The following PATJ variants were observed in gnomAD, a reference collection of about 807,000 sequenced individuals.
PATJ encodes PATJ crumbs cell polarity complex component.
In PATJ, 190 loss-of-function variants were observed where a neutral mutation model predicts 224.9. The ratio of observed to expected loss-of-function variants is 0.84; its 90% CI spans 0.75 to 0.95. PATJ has a LOEUF of 0.95. PATJ is among the 40% of genes least tolerant of loss of function. The probability of loss-of-function intolerance (pLI) is 0.00; values close to 1 mark genes in which losing one functional copy is unlikely to be tolerated. For missense variants in PATJ, 2,121 were observed against 2,270.3 expected (o/e 0.93, Z 1.34); for synonymous variants, 769 against 820.3 (o/e 0.94, Z 1.07).
intron 27 of PATJ, among the ~76,000 whole-genome samples, chr1:61,974,351 T>C (rs1048344509): frequency 2.0e-5 from 3 of 151,204 alleles, no homozygotes; most frequent in Non-Finnish European, 2.9e-5. Context: ...GTCAACTAGG[T>C]CTTCTCCATT....
intron 31 of PATJ, among the ~76,000 whole-genome samples, chr1:62,053,920 C>G (rs1026317616): frequency 3.3e-5 from 5 of 152,150 alleles, no homozygotes; most frequent in African/African-American, 7.2e-5. Flanking sequence ...CACTATGTTC[C>G]AGGTACTGAA....
At position 62,160,098 on chromosome 1, in the gene PATJ, C is replaced by G. The variant is rs553210892; in HGVS notation, c.5503-810C>G. Among the ~76,000 whole-genome samples, 4 of 152,146 alleles carry G rather than the reference C, an allele frequency of 2.6e-5. No individual in the cohort carries two copies. In the South Asian group the frequency reaches 8.3e-4, roughly 32 times the overall value. On this transcript the variant is annotated intron_variant, in intron 43 of 43. Transcript: ENST00000642238. Reference sequence around the variant, plus strand: ...GCACTGACTTTTCAAGGGACTGAAACAGTTACCCCTACAGATGGTGAAACC... The same window carrying G: ...GCACTGACTTTTCAAGGGACTGAAAGAGTTACCCCTACAGATGGTGAAACC...
chr1:61,840,627 A>G (rs1660934607), intron 17 of PATJ, among the ~76,000 whole-genome samples: 1 of 151,962 alleles, frequency 6.6e-6, no homozygotes, highest in South Asian at 2.1e-4. Context: ...ATGACTACAT[A>G]GTATTTTTAT....
At chr1:62,129,461 A>G (rs1666051188) in intron 41 of PATJ, among the ~76,000 whole-genome samples, 1 of 152,238 alleles carries the variant, frequency 6.6e-6, no homozygotes, top group African/African-American at 2.4e-5. Context: ...CAGAGGCACA[A>G]GGAAATATAC....
At chr1:61,879,814 G>T (rs7536985) in intron 21 of PATJ, among the ~76,000 whole-genome samples, 8 of 151,422 alleles carry the variant, frequency 5.3e-5, no homozygotes, top group African/African-American at 1.9e-4. Flanking sequence ...CACCATCCAG[G>T]TTTTTGACTA....
At chr1:61,932,256 G>A (rs1676144677) in intron 27 of PATJ, among the ~76,000 whole-genome samples, 2 of 152,066 alleles carry the variant, frequency 1.3e-5, no homozygotes, top group African/African-American at 2.4e-5. Context: ...TAGTTTCCAG[G>A]TGATGCTGGT....
chr1:62,048,561 AAAAAAAAAAG>A (rs2148573123), intron 30 of PATJ, among the ~76,000 whole-genome samples: 2 of 131,006 alleles, frequency 1.5e-5, no homozygotes, highest in East Asian at 3.9e-4. Flanking sequence ...AAAAAAAAAA[AAAAAAAAAAG>A]AAAAAGAAAG....
At chr1:61,816,523 T>TA (rs1019929874) in intron 14 of PATJ, 17 of 152,100 alleles carry the variant, frequency 1.1e-4, no homozygotes, top group African/African-American at 4.1e-4. Flanking sequence ...CCAGAACTAT[T>TA]AAAAAATAAA....
chr1:61,871,483 G>GCGTATA (rs1362256521), intron 20 of PATJ, among the ~76,000 whole-genome samples: 1 of 100,070 alleles, frequency 1.0e-5, no homozygotes. Flanking sequence ...ACATATATAT[G>GCGTATA]TGTATATATG....
intron 33 of PATJ, among the ~76,000 whole-genome samples, chr1:62,104,017 G>A (rs1272030657): frequency 1.3e-5 from 2 of 152,080 alleles, no homozygotes; most frequent in African/African-American, 4.8e-5. Context: ...CCTGCAGAGT[G>A]GGTTGATTAA....
intron 27 of PATJ, among the ~76,000 whole-genome samples, chr1:61,977,944 A>G (rs1382681312): frequency 6.6e-6 from 1 of 151,802 alleles, no homozygotes; most frequent in Admixed American, 6.6e-5. Context: ...TGAAATACAT[A>G]CAAACAGAAA....
chr1:61,852,681 A>G (rs1410430348), intron 17 of PATJ: 2 of 152,180 alleles, frequency 1.3e-5, no homozygotes, highest in Non-Finnish European at 2.9e-5. Context: ...GTTTGCTATA[A>G]CATGCACATA....
chr1:61,828,669 G>C (rs1658765658), intron 16 of PATJ, among the ~76,000 whole-genome samples: 1 of 152,110 alleles, frequency 6.6e-6, no homozygotes, highest in South Asian at 2.1e-4. Context: ...TGGGTTTATA[G>C]GTGTGAGCGA....
At chr1:62,061,905 C>T (rs996677269) in intron 31 of PATJ, among the ~76,000 whole-genome samples, 3 of 152,080 alleles carry the variant, frequency 2.0e-5, no homozygotes, top group African/African-American at 4.8e-5. Flanking sequence ...ATGATCCACC[C>T]GCCTCGGCCT....
chr1:62,039,030 G>GA, intron 30 of PATJ: 1 of 1,068,892 alleles, frequency 9.4e-7, no homozygotes, highest in South Asian at 1.2e-5. Context: ...CTCCTGTAGT[G>GA]TGTCCAGCAT....
At chr1:62,014,396 A>G (rs1646642107) in intron 28 of PATJ, among the ~76,000 whole-genome samples, 1 of 152,050 alleles carries the variant, frequency 6.6e-6, no homozygotes, top group Non-Finnish European at 1.5e-5. Context: ...CCTTGTTTGT[A>G]GTTAATTATA....
chr1:62,039,843 G>A (rs1283964033), intron 30 of PATJ, among the ~76,000 whole-genome samples: 2 of 152,164 alleles, frequency 1.3e-5, no homozygotes, highest in East Asian at 1.9e-4. Context: ...CTGGGCAGTC[G>A]AGCTGGTGAC....
rs1157747991 is a variant in PATJ, at chr1:62,018,347, C to A, written c.3959+400C>A. Among the ~76,000 whole-genome samples the A allele has an allele frequency of 6.6e-6, 1 of 152,180 alleles. No individual in the cohort carries two copies. Among genetic ancestry groups the A allele is most frequent in the Non-Finnish European group, 1.5e-5 (1 of 68,028 alleles). On this transcript the variant is annotated intron_variant, in intron 29 of 43. Transcript: ENST00000642238. The surrounding 1 kb of genome is among the most constrained non-coding windows in gnomAD (Gnocchi z 4.2). Reference sequence around the variant, plus strand: ...ACAGAACTGAGGACATTCTTAGGAGCTTCCTTTTAAGAGTGCTGGTGAGAA... The same window carrying A: ...ACAGAACTGAGGACATTCTTAGGAGATTCCTTTTAAGAGTGCTGGTGAGAA...
intron 27 of PATJ, among the ~76,000 whole-genome samples, chr1:61,980,793 C>T (rs979830686): frequency 7.2e-5 from 11 of 152,074 alleles, no homozygotes; most frequent in African/African-American, 2.7e-4. Context: ...ACAGTTTGTG[C>T]TGACTCAGCC....
Sources: allele counts gnomAD v4.1 joint callset (sites outside exome capture counted in the v4.1 genomes callset), GRCh38; gene constraint gnomAD v4.1.1; non-coding constraint Gnocchi (gnomAD v3.1); transcripts MANE v1.5; gene names NCBI Gene and HGNC (gene_info 2026-07-23, HGNC 2026-07-21).